The following HPGD variants were observed in gnomAD, a reference collection of about 807,000 sequenced individuals.
HPGD encodes the protein 15-hydroxyprostaglandin dehydrogenase.
HPGD carries 29 observed loss-of-function variants against 30.0 expected under a neutral mutation model. The observed-to-expected ratio is 0.97, with a 90% confidence interval of 0.72 to 1.32. HPGD has a LOEUF of 1.32. Among genes scored for constraint, HPGD ranks in the 40% most tolerant of loss-of-function variants. The pLI is 0.00. For missense variants in HPGD, 340 were observed against 322.1 expected (o/e 1.06, Z -0.43); for synonymous variants, 99 against 112.4 (o/e 0.88, Z 0.75).
chr4:174,519,889 G>C (rs1275603735), intron 2 of HPGD, among the ~76,000 whole-genome samples: 1 of 152,094 alleles, frequency 6.6e-6, no homozygotes, highest in African/African-American at 2.4e-5. Context: ...TGAAAGTCTC[G>C]ATCTCCTGAC....
intron 3 of HPGD, among the ~76,000 whole-genome samples, chr4:174,511,592 C>A (rs1050377672): frequency 3.3e-5 from 5 of 152,188 alleles, no homozygotes; most frequent in African/African-American, 9.6e-5. Flanking sequence ...CAATTGCCAG[C>A]ATGAGTGTTG....
In HPGD at chr4:174,491,904, T is replaced by G; in HGVS notation, c.*52A>C. 1 of 1,503,094 alleles carries G rather than the reference T, an allele frequency of 6.7e-7. No individual in the cohort carries two copies. Among genetic ancestry groups the G allele is most frequent in the Non-Finnish European group, 9.3e-7 (1 of 1,080,616 alleles). The allele number at this position is 1,503,094 out of a possible 1,614,324, so 93.1% of individuals were successfully genotyped here. On this transcript the variant is annotated 3_prime_UTR_variant, in exon 7 of 7. Coordinates refer to ENST00000296522, the MANE Select transcript of HPGD (RefSeq NM_000860.6). ...GCTATATTCAAATGAAGATAGGATC[T>G]GAATATAAGCTATTTGTGCTTATTT...
At chr4:174,495,803 G>C in intron 4 of HPGD, 179 bp from the exon 5 acceptor site, 1 of 635,822 alleles carries the variant, frequency 1.6e-6, no homozygotes, top group South Asian at 1.8e-5. Context: ...TAGTTTATTT[G>C]CTCCATGACC....
intron 4 of HPGD, among the ~76,000 whole-genome samples, chr4:174,498,315 T>A (rs1734739532): frequency 6.9e-6 from 1 of 144,906 alleles, no homozygotes; most frequent in African/African-American, 2.5e-5. Context: ...CAAGTTTCCT[T>A]TTTTCATTTT....
chr4:174,509,353 C>A (rs1579291440), intron 3 of HPGD, among the ~76,000 whole-genome samples: 1 of 152,180 alleles, frequency 6.6e-6, no homozygotes, highest in Non-Finnish European at 1.5e-5. Flanking sequence ...AAGGTGATCT[C>A]CCCAAATTTA....
intron 2 of HPGD, among the ~76,000 whole-genome samples, 154 bp from the exon 3 acceptor site, chr4:174,518,231 A>G (rs1735896447): frequency 6.6e-6 from 1 of 152,202 alleles, no homozygotes; most frequent in African/African-American, 2.4e-5. Context: ...CTTGTTTCTC[A>G]ATGTGTGGTT....
intron 4 of HPGD, among the ~76,000 whole-genome samples, chr4:174,499,629 T>A (rs1353551097): frequency 6.6e-6 from 1 of 152,144 alleles, no homozygotes; most frequent in Admixed American, 6.5e-5. Context: ...AAACAGATCT[T>A]ATGGAGGCTG....
In HPGD at chr4:174,503,532, C is replaced by T. The variant is rs147597090; in HGVS notation, c.421+5164G>A. ...TGGCAATTGCTCAATATGTGTTAGG[C>T]CTGCTTCCTTATCACGAGAGCAGTA... On this transcript the variant is annotated intron_variant, in intron 4 of 6. Transcript: ENST00000296522. Among the ~76,000 whole-genome samples, 575 of 152,262 alleles carry T rather than the reference C, an allele frequency of 3.8e-3. 5 individuals carry two copies. Among genetic ancestry groups the T allele is most frequent in the African/African-American group, 0.013 (531 of 41,562 alleles).
At chr4:174,497,227 C>T (rs1734642032) in intron 4 of HPGD, among the ~76,000 whole-genome samples, 1 of 152,138 alleles carries the variant, frequency 6.6e-6, no homozygotes, top group Non-Finnish European at 1.5e-5. Context: ...GCCGCAAGAA[C>T]TACAAAGACA....
At chr4:174,520,209 T>C (rs765049613) in intron 2 of HPGD, among the ~76,000 whole-genome samples, 1 of 152,180 alleles carries the variant, frequency 6.6e-6, no homozygotes, top group Non-Finnish European at 1.5e-5. Context: ...TACCAATGTA[T>C]AGTATACCAT....
At position 174,521,996 on chromosome 4, in the gene HPGD, A is replaced by G. The variant is rs1247679133; in HGVS notation, c.165T>C (p.Pro55=). 2.5e-6 allele frequency: 4 copies of G among 1,613,994 alleles called. No individual in the cohort carries two copies. Among genetic ancestry groups the G allele is most frequent in the Non-Finnish European group, 3.4e-6 (4 of 1,179,986 alleles). The part of the protein sequence containing the change: ...CKAALDEQFE[P]QKTLFIQCDV... ...CGCACTGGATGAACAGAGTCTTCTG[A>G]GGTTCAAACTGCTCATCCAGGGCAG... is the stretch of plus-strand genomic sequence containing the variant. Residue 55 remains proline, a synonymous_variant, in exon 2 of 7, where the codon CCT becomes CCC. Transcript: ENST00000296522.
intron 4 of HPGD, among the ~76,000 whole-genome samples, chr4:174,501,453 T>C (rs1734894445): frequency 6.6e-6 from 1 of 152,198 alleles, no homozygotes; most frequent in Non-Finnish European, 1.5e-5. Context: ...TACCTTATAT[T>C]AAAATAGTTA....
chr4:174,497,606 T>C (rs577904747), intron 4 of HPGD, among the ~76,000 whole-genome samples: 4 of 125,342 alleles, frequency 3.2e-5, no homozygotes, highest in Non-Finnish European at 6.7e-5. Context: ...TGAGACAGAG[T>C]CTCGCTCTAT....
intron 2 of HPGD, among the ~76,000 whole-genome samples, chr4:174,519,007 C>T (rs2110875894): frequency 6.6e-6 from 1 of 152,236 alleles, no homozygotes; most frequent in South Asian, 2.1e-4. Context: ...AGTAGGTCAG[C>T]ATAAGCTTTA....
At chr4:174,521,896 C>G in intron 2 of HPGD, 48 bp downstream of exon 2, 1 of 1,612,430 alleles carries the variant, frequency 6.2e-7, no homozygotes, top group Non-Finnish European at 8.5e-7. Flanking sequence ...CAGGTTGTTG[C>G]TTGTTGAGAG....
chr4:174,508,165 C>T (rs1735278873), intron 4 of HPGD: 2 of 702,210 alleles, frequency 2.8e-6, no homozygotes, highest in Non-Finnish European at 5.2e-6. Context: ...TTTCAAATGT[C>T]TGCATACAGA....
chr4:174,510,234 A>T (rs1735415764), intron 3 of HPGD, among the ~76,000 whole-genome samples: 1 of 152,068 alleles, frequency 6.6e-6, no homozygotes, highest in South Asian at 2.1e-4. Flanking sequence ...CAAAAAAGGA[A>T]ATTGGAGGTT....
At chr4:174,504,411 G>A (rs1022148662) in intron 4 of HPGD, among the ~76,000 whole-genome samples, 2 of 152,142 alleles carry the variant, frequency 1.3e-5, no homozygotes, top group African/African-American at 4.8e-5. Context: ...GCTACTGAGT[G>A]ACAGAGCATG....
At position 174,497,874 on chromosome 4, in the gene HPGD, C is replaced by T. The variant is rs188413024; in HGVS notation, c.422-2250G>A. 2.0e-5 allele frequency among the ~76,000 whole-genome samples: 3 copies of T among 150,774 alleles called. No homozygotes were observed. In the East Asian group the frequency reaches 5.9e-4, roughly 30 times the overall value. ...TACAGGCATGAGCCACCATGGCCGG[C>T]CTCACTTTCTCTCTCTCTCTTTCTC... On this transcript the variant is annotated intron_variant, in intron 4 of 6. Transcript: ENST00000296522.
Sources: allele counts gnomAD v4.1 joint callset (sites outside exome capture counted in the v4.1 genomes callset), GRCh38; gene constraint gnomAD v4.1.1; transcripts MANE v1.5; gene names NCBI Gene and HGNC (gene_info 2026-07-23, HGNC 2026-07-21).